The following HECW2 variants were observed in gnomAD, a reference collection of about 807,000 sequenced individuals.
HECW2 encodes E3 ubiquitin-protein ligase HECW2.
Under a neutral mutation model 175.2 loss-of-function variants are expected in HECW2, and 61 were observed. The ratio of observed to expected loss-of-function variants is 0.35; its 90% CI spans 0.28 to 0.43. The LOEUF is 0.43. Ranked by LOEUF, HECW2 falls within the 20% of genes least tolerant of loss-of-function variation. HECW2 has a pLI of 1.00. For synonymous variants in HECW2, 671 were observed against 731.0 expected (o/e 0.92, Z 1.32); for missense variants, 1,524 against 2,000.5 (o/e 0.76, Z 4.54).
chr2:196,564,770 C>T (rs1690120648), intron 1 of HECW2, among the ~76,000 whole-genome samples: 1 of 152,068 alleles, frequency 6.6e-6, no homozygotes, highest in Non-Finnish European at 1.5e-5. Context: ...TCCTACTTAA[C>T]TTATCCTTGG....
At chr2:196,444,473 T>C (rs934572121) in intron 1 of HECW2, among the ~76,000 whole-genome samples, 4 of 152,212 alleles carry the variant, frequency 2.6e-5, no homozygotes, top group African/African-American at 4.8e-5. Flanking sequence ...TTTTAACCCT[T>C]AATGCTTCTC....
intron 1 of HECW2, among the ~76,000 whole-genome samples, chr2:196,532,895 C>T (rs749127420): frequency 5.9e-5 from 9 of 152,154 alleles, no homozygotes; most frequent in Non-Finnish European, 1.3e-4. Context: ...GCTCAGTGAA[C>T]TCTTCTGTCT....
chr2:196,534,972 C>T (rs927395183), intron 1 of HECW2, among the ~76,000 whole-genome samples: 15 of 151,858 alleles, frequency 9.9e-5, no homozygotes, highest in African/African-American at 3.4e-4. Flanking sequence ...GCTAACTCCC[C>T]AACTAATCTA....
chr2:196,550,683 G>A (rs1308331035), intron 1 of HECW2, among the ~76,000 whole-genome samples: 2 of 152,056 alleles, frequency 1.3e-5, no homozygotes, highest in African/African-American at 4.8e-5. Flanking sequence ...TATCTTTATT[G>A]CCTTAAAAAT....
intron 2 of HECW2, among the ~76,000 whole-genome samples, chr2:196,373,311 C>A (rs1346590743): frequency 6.6e-6 from 1 of 152,150 alleles, no homozygotes; most frequent in African/African-American, 2.4e-5. Flanking sequence ...AAAAGAATTG[C>A]CTGTTTTCAA....
At chr2:196,414,182 A>G (rs561878277) in intron 2 of HECW2, among the ~76,000 whole-genome samples, 1 of 152,326 alleles carries the variant, frequency 6.6e-6, no homozygotes, top group East Asian at 1.9e-4. Context: ...GGTTCTCTCC[A>G]GGGGACTTGA....
intron 1 of HECW2, among the ~76,000 whole-genome samples, chr2:196,593,048 T>G (rs1012056179): frequency 2.1e-4 from 32 of 150,414 alleles, no homozygotes; most frequent in African/African-American, 7.3e-4. Flanking sequence ...CAGAGCGCGC[T>G]CGGCGCGCCC....
At chr2:196,329,490 C>G (rs368218790) in intron 5 of HECW2, 85 bp downstream of exon 5, 65 of 1,101,046 alleles carry the variant, frequency 5.9e-5, no homozygotes, top group Non-Finnish European at 8.7e-5. Flanking sequence ...ATATCATATA[C>G]GAAAGTCTGC....
intron 15 of HECW2, among the ~76,000 whole-genome samples, chr2:196,277,894 C>T (rs1263096734): frequency 5.6e-5 from 8 of 143,692 alleles, no homozygotes; most frequent in South Asian, 4.4e-4. Context: ...AACCAAACAC[C>T]GCATATTCTC....
chr2:196,201,048 T>C lies in HECW2; in HGVS notation c.*229A>G, dbSNP rs1033530552. 1.7e-5 allele frequency: 8 copies of C among 459,352 alleles called. No homozygotes were observed. The highest frequency in any genetic ancestry group is 3.2e-5 in the Non-Finnish European group (8 of 248,236). 28.5% of individuals were successfully genotyped at this position (459,352 alleles called of 1,614,324 possible). A position where few individuals can be genotyped will look rare whatever the true frequency, so the allele number is the denominator to read the frequency against. ...AAAAAGTTTGGCAGTCAAGAACTGT[T>C]GATTGAAAGACGGTTGGGTTGTTCC... is the stretch of plus-strand genomic sequence containing the variant. On this transcript the variant is annotated 3_prime_UTR_variant, in exon 29 of 29. Transcript: ENST00000644978.
intron 4 of HECW2, among the ~76,000 whole-genome samples, chr2:196,330,058 C>A (rs1692301126): frequency 6.6e-6 from 1 of 152,162 alleles, no homozygotes. Context: ...TCATATCAGA[C>A]CTACCCATAT....
At chr2:196,237,553 G>A (rs1268060453) in intron 21 of HECW2, among the ~76,000 whole-genome samples, 2 of 152,024 alleles carry the variant, frequency 1.3e-5, no homozygotes, top group South Asian at 2.1e-4. Flanking sequence ...AGTATTCCAT[G>A]GTGTATATAT....
intron 1 of HECW2, among the ~76,000 whole-genome samples, chr2:196,479,241 A>C (rs1686766000): frequency 6.6e-6 from 1 of 151,806 alleles, no homozygotes; most frequent in African/African-American, 2.4e-5. Context: ...TTTATCTAAA[A>C]CCCCCAAAGT....
intron 1 of HECW2, among the ~76,000 whole-genome samples, chr2:196,575,531 T>G (rs181084774): frequency 6.6e-6 from 1 of 152,184 alleles, no homozygotes; most frequent in South Asian, 2.1e-4. Context: ...AGTACATGAA[T>G]GAATAAAGAA....
At chr2:196,531,767 T>G (rs1688848976) in intron 1 of HECW2, among the ~76,000 whole-genome samples, 1 of 152,190 alleles carries the variant, frequency 6.6e-6, no homozygotes, top group African/African-American at 2.4e-5. Flanking sequence ...TACCACCTCT[T>G]AATGTTAACC....
intron 2 of HECW2, among the ~76,000 whole-genome samples, chr2:196,397,124 CAAAACAAAACAAAAAA>C (rs890817709): frequency 2.2e-5 from 1 of 44,668 alleles, no homozygotes; most frequent in East Asian, 6.6e-4. Context: ...CAAAACAAAA[CAAAACAAAACAAAAAA>C]AAAAAAAACA....
chr2:196,307,452 C>A (rs1178478062), intron 11 of HECW2, among the ~76,000 whole-genome samples: 1 of 151,980 alleles, frequency 6.6e-6, no homozygotes, highest in Non-Finnish European at 1.5e-5. Context: ...AAATTAATAA[C>A]ACTAAAAAAA....
chr2:196,254,390 A>G (rs1688970846), intron 18 of HECW2, among the ~76,000 whole-genome samples: 1 of 152,256 alleles, frequency 6.6e-6, no homozygotes, highest in African/African-American at 2.4e-5. Flanking sequence ...ATAAATATAC[A>G]AAGTATGTTC....
At chr2:196,326,681 A>G (rs1442845555) in intron 5 of HECW2, among the ~76,000 whole-genome samples, 1 of 152,056 alleles carries the variant, frequency 6.6e-6, no homozygotes, top group African/African-American at 2.4e-5. Flanking sequence ...TGACCTCATG[A>G]CCTGCCCACC....
Sources: gnomAD v4.1 joint callset for allele counts (sites outside exome capture counted in the v4.1 genomes callset) on GRCh38, gnomAD v4.1.1 for gene constraint, MANE v1.5 for transcripts, NCBI Gene and HGNC (gene_info 2026-07-23, HGNC 2026-07-21) for gene names.